RNF114: variants seen among roughly 807,000 people sequenced by gnomAD.
The protein encoded by RNF114 is E3 ubiquitin-protein ligase RNF114.
RNF114 carries 6 observed loss-of-function variants against 28.4 expected under a neutral mutation model. The ratio of observed to expected loss-of-function variants is 0.21; its 90% CI spans 0.12 to 0.42. RNF114 has a LOEUF of 0.42. Among genes scored for constraint, RNF114 ranks in the 10% least tolerant of loss-of-function variants. The pLI, the probability that RNF114 is intolerant of heterozygous loss-of-function variation, is 1.00. For missense variants in RNF114, 249 were observed against 311.7 expected (o/e 0.80, Z 1.51); for synonymous variants, 115 against 116.7 (o/e 0.99, Z 0.09).
At chr20:49,942,560 T>C (rs1420622152) in intron 2 of RNF114, among the ~76,000 whole-genome samples, 3 of 152,212 alleles carry the variant, frequency 2.0e-5, no homozygotes, top group African/African-American at 2.4e-5. Flanking sequence ...AGGTGGTTCA[T>C]GCCTGTAATC....
At chr20:49,948,801 A>T (rs918473026) in intron 4 of RNF114, among the ~76,000 whole-genome samples, 12 of 151,886 alleles carry the variant, frequency 7.9e-5, no homozygotes, top group African/African-American at 2.9e-4. Context: ...AACCAAATCA[A>T]CCTTTTGTGT....
At position 49,936,478 on chromosome 20, in the gene RNF114, C is replaced by G. The variant is rs754728546; in HGVS notation, c.66C>G (p.Asp22Glu). The change falls in exon 1 of 6, where the codon GAC (aspartate) becomes GAG (glutamate). Residue 22 changes from aspartate to glutamate, a missense_variant. Asp to Glu is a conservative substitution (Grantham distance 45, BLOSUM62 2). Coordinates refer to ENST00000244061, the MANE Select transcript of RNF114 (RefSeq NM_018683.4). ...TGGCGGGGCCGGCGGCGGAGGCTGA[C>G]CCCCTAGGACGCTTCACGTGTCCCG... ...AQLAGPAAEADPLGRFTCPVC... is the reference protein window; with the variant it reads ...AQLAGPAAEAEPLGRFTCPVC... 5.1e-6 allele frequency: 8 copies of G among 1,555,322 alleles called. No individual in the cohort carries two copies. The highest frequency in any genetic ancestry group is 6.1e-6 in the Non-Finnish European group (7 of 1,151,936).
chr20:49,952,238 C>G lies in RNF114; in HGVS notation c.*97C>G. ...TCCTGTACCTTACCTGTTCAACAGACCTGAAAATGAGCCATGGCATTGGGA... is the reference window on the plus strand; with the variant it reads ...TCCTGTACCTTACCTGTTCAACAGAGCTGAAAATGAGCCATGGCATTGGGA... On this transcript the variant is annotated 3_prime_UTR_variant, in exon 6 of 6. Coordinates refer to ENST00000244061, the MANE Select transcript of RNF114 (RefSeq NM_018683.4). The G allele has an allele frequency of 9.1e-7, 1 of 1,101,634 alleles. No individual in the cohort carries two copies. The highest frequency in any genetic ancestry group is 1.4e-6 in the Non-Finnish European group (1 of 716,598). The allele number at this position is 1,101,634 out of a possible 1,614,324, so 68.2% of individuals were successfully genotyped here.
rs1157729527 is a variant in RNF114, at chr20:49,951,070, CTT to C, written c.622-1004_622-1003del. Among the ~76,000 whole-genome samples, 3 of 152,104 alleles carry C rather than the reference CTT, an allele frequency of 2.0e-5. No homozygotes were observed. In the East Asian group the frequency reaches 5.8e-4, roughly 29 times the overall value. Reference sequence around the variant, plus strand: ...GTCTTGCCATTATAGTAGTAGGTAACTTTGGCCAACTATATCAAGTAAACCTC... The same window carrying C: ...GTCTTGCCATTATAGTAGTAGGTAACTGGCCAACTATATCAAGTAAACCTC... On this transcript the variant is annotated intron_variant, in intron 5 of 5. Coordinates refer to ENST00000244061, the MANE Select transcript of RNF114 (RefSeq NM_018683.4).
Position 49,937,264 on chromosome 20 carries a change from G to C in RNF114, c.140+712G>C, listed in dbSNP as rs759300806. On this transcript the variant is annotated intron_variant, in intron 1 of 5. Transcript: ENST00000244061. ...CGGGGCTTTCGAGGTTGGTCAGGTT[G>C]GTCGATTTGAATCTAAGCCTTGTTC... 7.9e-5 allele frequency among the ~76,000 whole-genome samples: 12 copies of C among 152,274 alleles called. No individual in the cohort carries two copies. In the East Asian group the frequency reaches 1.5e-3, roughly 20 times the overall value.
Position 49,953,456 on chromosome 20 carries a change from TG to T in RNF114, c.*1319del, listed in dbSNP as rs1211507312. On this transcript the variant is annotated 3_prime_UTR_variant, in exon 6 of 6. Coordinates refer to ENST00000244061, the MANE Select transcript of RNF114 (RefSeq NM_018683.4). ...GTTTTTTGATGTCATATGTCTCTGA[TG>T]GGGCTGCAAGTGCTACCTCGCGCTT... The T allele has an allele frequency of 6.6e-6, 1 of 152,226 alleles. No homozygotes were observed. The highest frequency in any genetic ancestry group is 2.4e-5 in the African/African-American group (1 of 41,464). 9.4% of individuals were successfully genotyped at this position (152,226 alleles called of 1,614,324 possible).
intron 5 of RNF114, 26 bp from the exon 6 acceptor site, chr20:49,952,050 G>A (rs1020511973): frequency 6.3e-7 from 1 of 1,586,514 alleles, no homozygotes; most frequent in African/African-American, 1.3e-5. Flanking sequence ...CAGTTGCTGA[G>A]GCTGCATGTC....
At chr20:49,949,169 A>G in intron 4 of RNF114, 79 bp from the exon 5 acceptor site, 1 of 1,120,230 alleles carries the variant, frequency 8.9e-7, no homozygotes, top group African/African-American at 1.5e-5. Flanking sequence ...CCTGGAAGAA[A>G]GGAGGCCAGA....
At chr20:49,948,594 T>C (rs1156912582) in intron 4 of RNF114, among the ~76,000 whole-genome samples, 1 of 152,090 alleles carries the variant, frequency 6.6e-6, no homozygotes, top group Non-Finnish European at 1.5e-5. Flanking sequence ...TGTGCCACCA[T>C]GCAAGGCTAA....
Position 49,949,330 on chromosome 20 carries a change from A to T in RNF114, c.596A>T (p.His199Leu). ...ANFREHIQRR[H>L]RFSYDTFVDY... ...TTCAGAGAGCACATCCAGCGCCGGCACCGGTTTTCTTATGACACTTTTGTG... is the reference window on the plus strand; with the variant it reads ...TTCAGAGAGCACATCCAGCGCCGGCTCCGGTTTTCTTATGACACTTTTGTG... The change falls in exon 5 of 6, where the codon CAC becomes CTC. Residue 199 changes from histidine (H) to leucine (L), a missense_variant. By Grantham distance (99) the His-to-Leu change is moderately conservative (BLOSUM62 -3). Around this residue, in one of 2 missense-constraint regions of RNF114, gnomAD observed 126 missense variants for 205.3 expected, o/e 0.61. Coordinates refer to ENST00000244061, the MANE Select transcript of RNF114 (RefSeq NM_018683.4). 2 of 1,613,840 alleles carry T rather than the reference A, an allele frequency of 1.2e-6. No homozygotes were observed. The highest frequency in any genetic ancestry group is 1.7e-6 in the Non-Finnish European group (2 of 1,179,928).
At chr20:49,950,704 AAC>A (rs199813309) in intron 5 of RNF114, among the ~76,000 whole-genome samples, 1 of 151,418 alleles carries the variant, frequency 6.6e-6, no homozygotes. Flanking sequence ...AAAAAAACAA[AAC>A]ACACACACAC....
chr20:49,936,435 G>T lies in RNF114; in HGVS notation c.23G>T (p.Cys8Phe), dbSNP rs776420674. 25 of 1,538,492 alleles carry T rather than the reference G, an allele frequency of 1.6e-5. No homozygotes were observed. The Admixed American group carries it at 4.8e-4, about 30-fold the overall frequency. Residue 8 changes from cysteine (C) to phenylalanine (F), a missense_variant, in exon 1 of 6, where the codon TGC (cysteine) becomes TTC (phenylalanine). This residue lies in a region of RNF114 where 123 missense variants were observed against 106.4 expected (regional missense o/e 1.16). Coordinates refer to ENST00000244061, the MANE Select transcript of RNF114 (RefSeq NM_018683.4). ...AAGATGGCGGCGCAACAGCGGGACT[G>T]CGGGGGTGCTGCGCAGCTGGCGGGG... MAAQQRD[C>F]GGAAQLAGPA...
At chr20:49,947,602 C>G (rs1343853656) in intron 4 of RNF114, among the ~76,000 whole-genome samples, 1 of 151,954 alleles carries the variant, frequency 6.6e-6, no homozygotes, top group Non-Finnish European at 1.5e-5. Context: ...TACTTGCACT[C>G]ATAATTTTGT....
At chr20:49,950,032 C>T (rs2090349412) in intron 5 of RNF114, among the ~76,000 whole-genome samples, 2 of 150,408 alleles carry the variant, frequency 1.3e-5, no homozygotes, top group Admixed American at 6.6e-5. Flanking sequence ...TGGGCGGATC[C>T]TGAGGTCGGG....
intron 4 of RNF114, among the ~76,000 whole-genome samples, chr20:49,946,777 T>C (rs1486628967): frequency 2.0e-5 from 3 of 152,212 alleles, no homozygotes; most frequent in Admixed American, 2.0e-4. Context: ...ACCAAATTTC[T>C]CCATGAAGCT....
chr20:49,942,958 CA>C (rs1404119960), intron 2 of RNF114, among the ~76,000 whole-genome samples: 1 of 151,910 alleles, frequency 6.6e-6, no homozygotes, highest in Non-Finnish European at 1.5e-5. Context: ...TATATTTCTT[CA>C]ACTTTTTTCA....
rs766819838 is a variant in RNF114 at position 49,949,260 on chromosome 20, T to C, written c.526T>C (p.Cys176Arg). Residue 176 changes from cysteine to arginine, a missense_variant, in exon 5 of 6, where the codon TGT becomes CGT. Coordinates refer to ENST00000244061, the MANE Select transcript of RNF114 (RefSeq NM_018683.4). ...TTTGTGTTGAAAGGTTTGTCCGATATGTGCCTCGATGCCCTGGGGAGACCC... is the reference window on the plus strand; with the variant it reads ...TTTGTGTTGAAAGGTTTGTCCGATACGTGCCTCGATGCCCTGGGGAGACCC... ...TDTKSVVCPI[C>R]ASMPWGDPNY... 1.2e-6 allele frequency: 2 copies of C among 1,614,128 alleles called. No homozygotes were observed. Among genetic ancestry groups the C allele is most frequent in the Admixed American group, 1.7e-5 (1 of 60,018 alleles).
At chr20:49,948,681 A>C (rs1255261778) in intron 4 of RNF114, among the ~76,000 whole-genome samples, 1 of 151,762 alleles carries the variant, frequency 6.6e-6, no homozygotes, top group Non-Finnish European at 1.5e-5. Flanking sequence ...CAGGTGATCT[A>C]CCGCTTTGGC....
chr20:49,948,440 TTTTTTTTTAAGACAGAGTCTCAC>T (rs1274225765), intron 4 of RNF114, among the ~76,000 whole-genome samples: 8 of 151,400 alleles, frequency 5.3e-5, no homozygotes, highest in Admixed American at 1.3e-4. Context: ...TTTTTTTTTT[TTTTTTTTTAAGACAGAGTCTCAC>T]TCTGTCACCC....
Sources: gnomAD v4.1 joint callset for allele counts (sites outside exome capture counted in the v4.1 genomes callset) on GRCh38, gnomAD v4.1.1 for gene constraint, gnomAD v4.1.1 regional missense constraint, MANE v1.5 for transcripts, NCBI Gene and HGNC (gene_info 2026-07-23, HGNC 2026-07-21) for gene names.